The following GNA14 variants were observed in gnomAD, a reference collection of about 807,000 sequenced individuals.
GNA14 encodes the protein G protein subunit alpha 14.
Under a neutral mutation model 42.0 loss-of-function variants are expected in GNA14, and 50 were observed. That is an observed-to-expected ratio of 1.19 (90% confidence interval 0.95 to 1.51). GNA14 has a LOEUF of 1.51. Among genes scored for constraint, GNA14 ranks in the 40% most tolerant of loss-of-function variants. The probability of loss-of-function intolerance (pLI) is 0.00; values close to 1 mark genes in which losing one functional copy is unlikely to be tolerated. For synonymous variants in GNA14, 173 were observed against 163.1 expected, an observed-to-expected ratio of 1.06 and a Z score of -0.46; for missense variants, 473 against 446.2, an observed-to-expected ratio of 1.06 and a Z score of -0.54.
intron 1 of GNA14, among the ~76,000 whole-genome samples, chr9:77,618,581 A>AATATATATATATAC (rs1823859209): frequency 4.7e-5 from 2 of 42,606 alleles, no homozygotes; most frequent in African/African-American, 1.9e-4. Flanking sequence ...ATTACATTTG[A>AATATATATATATAC]ATATATATAT....
chr9:77,481,107 T>A (rs9722828), intron 2 of GNA14, among the ~76,000 whole-genome samples: 3 of 150,622 alleles, frequency 2.0e-5, no homozygotes, highest in Admixed American at 6.6e-5. Flanking sequence ...AATGTGTTTG[T>A]TCTTGCTTTT....
intron 1 of GNA14, among the ~76,000 whole-genome samples, chr9:77,645,188 C>T (rs1468713506): frequency 2.0e-5 from 3 of 152,206 alleles, no homozygotes; most frequent in Admixed American, 6.5e-5. Context: ...GGGGTCATCC[C>T]ATACTCCACA....
chr9:77,448,384 C>T lies in GNA14; in HGVS notation c.310-13862G>A, dbSNP rs142800484. Among the ~76,000 whole-genome samples, 847 of 152,148 alleles carry T rather than the reference C, an allele frequency of 5.6e-3. 10 individuals carry two copies. Among genetic ancestry groups the T allele is most frequent in the African/African-American group, 0.02 (813 of 41,492 alleles). The stretch of plus-strand genomic sequence containing the variant: ...TGGTTTTCATTTTCAGGTCGGTGTT[C>T]GATAAATTACATGAGATATTCAATT... On this transcript the variant is annotated intron_variant, in intron 2 of 6. Coordinates refer to ENST00000341700, the MANE Select transcript of GNA14 (RefSeq NM_004297.4).
chr9:77,614,968 T>A (rs1823787675), intron 1 of GNA14, among the ~76,000 whole-genome samples: 1 of 152,192 alleles, frequency 6.6e-6, no homozygotes, highest in African/African-American at 2.4e-5. Flanking sequence ...CCAGCTTGCC[T>A]CCTAAAGGGT....
chr9:77,602,982 G>C (rs145123137), intron 1 of GNA14, among the ~76,000 whole-genome samples: 232 of 152,258 alleles, frequency 1.5e-3, no homozygotes, highest in African/African-American at 4.6e-3. Context: ...AAATGCCCTA[G>C]ATTACATTTC....
At chr9:77,507,268 T>G (rs1457697834) in intron 2 of GNA14, among the ~76,000 whole-genome samples, 1 of 152,212 alleles carries the variant, frequency 6.6e-6, no homozygotes, top group African/African-American at 2.4e-5. Flanking sequence ...AAGAATCTCT[T>G]GCTTCAATAT....
intron 1 of GNA14, among the ~76,000 whole-genome samples, chr9:77,627,921 G>A (rs1824038293): frequency 1.3e-5 from 2 of 152,102 alleles, no homozygotes; most frequent in South Asian, 4.1e-4. Flanking sequence ...GAAAAAAAGG[G>A]TATTCAAATA....
At chr9:77,520,162 T>G (rs1278003142) in intron 2 of GNA14, among the ~76,000 whole-genome samples, 2 of 152,220 alleles carry the variant, frequency 1.3e-5, no homozygotes, top group African/African-American at 2.4e-5. Context: ...AGGATACTAT[T>G]GCAGAGCTTA....
At chr9:77,494,269 T>C (rs143029131) in intron 2 of GNA14, among the ~76,000 whole-genome samples, 2 of 152,320 alleles carry the variant, frequency 1.3e-5, no homozygotes, top group East Asian at 3.9e-4. Context: ...TCTCCATCTA[T>C]GCTCCAAATA....
At chr9:77,494,664 T>C (rs1836842143) in intron 2 of GNA14, among the ~76,000 whole-genome samples, 1 of 152,204 alleles carries the variant, frequency 6.6e-6, no homozygotes, top group African/African-American at 2.4e-5. Flanking sequence ...TTTAAAAGAG[T>C]TGGAAATTCA....
At chr9:77,476,689 A>G (rs1836430081) in intron 2 of GNA14, among the ~76,000 whole-genome samples, 1 of 152,222 alleles carries the variant, frequency 6.6e-6, no homozygotes, top group African/African-American at 2.4e-5. Context: ...GAAAAGGATA[A>G]AATGAATTGG....
chr9:77,540,052 A>G (rs1837640335), intron 1 of GNA14, among the ~76,000 whole-genome samples: 1 of 151,556 alleles, frequency 6.6e-6, no homozygotes. Context: ...TTGTTCTTGT[A>G]TTTTAGTTCC....
At chr9:77,591,549 G>A (rs570267665) in intron 1 of GNA14, among the ~76,000 whole-genome samples, 4 of 152,190 alleles carry the variant, frequency 2.6e-5, no homozygotes, top group Non-Finnish European at 4.4e-5. Context: ...TTCCTCAGGC[G>A]TCAAATGAAG....
chr9:77,565,978 G>C (rs2131792268), intron 1 of GNA14, among the ~76,000 whole-genome samples: 1 of 145,992 alleles, frequency 6.8e-6, no homozygotes, highest in East Asian at 1.9e-4. Context: ...ACAACTTAGA[G>C]GGGTAACTGG....
chr9:77,468,407 C>T (rs1836273723), intron 2 of GNA14, among the ~76,000 whole-genome samples: 1 of 152,158 alleles, frequency 6.6e-6, no homozygotes, highest in Admixed American at 6.5e-5. Context: ...GGTCTGAAAT[C>T]TTTCCTTTTA....
chr9:77,496,855 G>A (rs984374416), intron 2 of GNA14, among the ~76,000 whole-genome samples: 1 of 152,082 alleles, frequency 6.6e-6, no homozygotes, highest in African/African-American at 2.4e-5. Context: ...GGAATATTTC[G>A]AACAAACACA....
intron 2 of GNA14, among the ~76,000 whole-genome samples, chr9:77,470,912 C>T (rs1427346913): frequency 6.6e-6 from 1 of 152,186 alleles, no homozygotes; most frequent in African/African-American, 2.4e-5. Context: ...CACTCACTTT[C>T]ACAAGAACAG....
intron 2 of GNA14, among the ~76,000 whole-genome samples, chr9:77,461,122 G>C (rs1836096612): frequency 6.6e-6 from 1 of 152,220 alleles, no homozygotes; most frequent in South Asian, 2.1e-4. Flanking sequence ...AGTCCCAGGT[G>C]GGTCCCCAGC....
intron 1 of GNA14, among the ~76,000 whole-genome samples, chr9:77,603,139 G>T (rs1340910764): frequency 6.6e-6 from 1 of 152,196 alleles, no homozygotes; most frequent in Non-Finnish European, 1.5e-5. Context: ...CTGCATGGGT[G>T]TACTCATATT....
Sources: allele counts gnomAD v4.1 joint callset (sites outside exome capture counted in the v4.1 genomes callset), GRCh38; gene constraint gnomAD v4.1.1; transcripts MANE v1.5; gene names NCBI Gene and HGNC (gene_info 2026-07-23, HGNC 2026-07-21).